HTRA1: variants seen among roughly 807,000 people sequenced by gnomAD.
HTRA1 encodes serine protease HTRA1.
Under a neutral mutation model 49.7 loss-of-function variants are expected in HTRA1, and 26 were observed. That is an observed-to-expected ratio of 0.52 (90% CI 0.38 to 0.73). The LOEUF (loss-of-function observed/expected upper bound fraction) is 0.73. Among genes scored for constraint, HTRA1 ranks in the 30% least tolerant of loss-of-function variants. HTRA1 has a pLI of 0.00. For missense variants in HTRA1, 561 were observed against 667.2 expected (o/e 0.84, Z 1.75); for synonymous variants, 291 against 286.9 (o/e 1.01, Z -0.14).
chr10:122,505,175 G>A (rs1283523620), intron 3 of HTRA1, among the ~76,000 whole-genome samples: 1 of 152,146 alleles, frequency 6.6e-6, no homozygotes, highest in African/African-American at 2.4e-5. Context: ...GAAAACTGAG[G>A]ACCTGAGTGG....
At chr10:122,467,645 C>G (rs554207989) in intron 1 of HTRA1, among the ~76,000 whole-genome samples, 2 of 152,220 alleles carry the variant, frequency 1.3e-5, no homozygotes, top group Admixed American at 1.3e-4. Context: ...ACATGTTCAT[C>G]TCCAAGAGAT....
rs1565427091 is a variant in HTRA1, at chr10:122,496,224, G to GTTTTTTTT, written c.777+6598_777+6599insTTTTTTTT. 2.8e-3 allele frequency among the ~76,000 whole-genome samples: 91 copies of GTTTTTTTT among 32,092 alleles called. 5 individuals are homozygous for GTTTTTTTT. The highest frequency in any genetic ancestry group is 0.012 in the East Asian group (20 of 1,644). The allele number at this position is 32,092 out of a possible 152,430, so 21.1% of individuals were successfully genotyped here. A position where few individuals can be genotyped will look rare whatever the true frequency, so the allele number is the denominator to read the frequency against. On this transcript the variant is annotated intron_variant, in intron 3 of 8. Transcript: ENST00000368984. The stretch of plus-strand genomic sequence containing the variant: ...GCCCTTTCGTTTGCCAGAGATTGTG[G>GTTTTTTTT]GTTCTTTTTTTTTTTTTTTTTTTTT...
chr10:122,496,224 G>GTTT lies in HTRA1; in HGVS notation c.777+6598_777+6599insTTT, dbSNP rs1565427091. Among the ~76,000 whole-genome samples, 21 of 32,104 alleles carry GTTT rather than the reference G, an allele frequency of 6.5e-4. 1 individual carries two copies. Among genetic ancestry groups the GTTT allele is most frequent in the African/African-American group, 1.1e-3 (7 of 6,442 alleles). 21.1% of individuals were successfully genotyped at this position (32,104 alleles called of 152,430 possible). On this transcript the variant is annotated intron_variant, in intron 3 of 8. Coordinates refer to ENST00000368984, the MANE Select transcript of HTRA1 (RefSeq NM_002775.5). ...GCCCTTTCGTTTGCCAGAGATTGTG[G>GTTT]GTTCTTTTTTTTTTTTTTTTTTTTT...
chr10:122,501,029 AGGCT>A (rs1450899766), intron 3 of HTRA1, among the ~76,000 whole-genome samples: 18 of 152,282 alleles, frequency 1.2e-4, no homozygotes, highest in Admixed American at 1.0e-3. Flanking sequence ...GGTGGGGAGC[AGGCT>A]GGTGAGAAGA....
chr10:122,490,212 A>G lies in HTRA1; in HGVS notation c.777+586A>G, dbSNP rs1452681458. Among the ~76,000 whole-genome samples, 1 of 152,232 alleles carries G rather than the reference A, an allele frequency of 6.6e-6. No homozygotes were observed. The highest frequency in any genetic ancestry group is 1.5e-5 in the Non-Finnish European group (1 of 68,042). On this transcript the variant is annotated intron_variant, in intron 3 of 8. Coordinates refer to ENST00000368984, the MANE Select transcript of HTRA1 (RefSeq NM_002775.5). The surrounding 1 kb of genome is among the most constrained non-coding windows in gnomAD (Gnocchi z 4.2). ...TCCAGACCTTCTCAGAGCTTTTAGTATGCTAGTGTGCACGTGGCTTGCCTA... is the reference window on the plus strand; with the variant it reads ...TCCAGACCTTCTCAGAGCTTTTAGTGTGCTAGTGTGCACGTGGCTTGCCTA...
At chr10:122,486,713 G>A (rs991419361) in intron 1 of HTRA1, among the ~76,000 whole-genome samples, 1 of 151,896 alleles carries the variant, frequency 6.6e-6, no homozygotes, top group Non-Finnish European at 1.5e-5. Context: ...CCTGGGGAAG[G>A]GTTGCCACTC....
intron 1 of HTRA1, among the ~76,000 whole-genome samples, chr10:122,468,640 TCA>T (rs1268905995): frequency 6.6e-6 from 1 of 152,204 alleles, no homozygotes; most frequent in Non-Finnish European, 1.5e-5. Context: ...GTATCCAAAG[TCA>T]CTTTGCCTGT....
chr10:122,469,816 G>A (rs772727540), intron 1 of HTRA1, among the ~76,000 whole-genome samples: 25 of 152,186 alleles, frequency 1.6e-4, no homozygotes, highest in Non-Finnish European at 3.4e-4. Flanking sequence ...CTATTCTTCA[G>A]ATTTCTTTAA....
At chr10:122,478,332 C>T (rs2133430245) in intron 1 of HTRA1, among the ~76,000 whole-genome samples, 1 of 151,318 alleles carries the variant, frequency 6.6e-6, no homozygotes, top group African/African-American at 2.4e-5. Flanking sequence ...CCTTGCCTCC[C>T]TGCAGGTGGG....
chr10:122,489,711 C>G, intron 3 of HTRA1, 85 bp downstream of exon 3: 1 of 1,300,074 alleles, frequency 7.7e-7, no homozygotes, highest in Non-Finnish European at 1.1e-6. Flanking sequence ...CTGATTGCAG[C>G]TGATTCTCGG....
intron 1 of HTRA1, among the ~76,000 whole-genome samples, chr10:122,474,361 A>G (rs1029006307): frequency 1.3e-5 from 2 of 152,086 alleles, no homozygotes; most frequent in Non-Finnish European, 2.9e-5. Flanking sequence ...TTCCCCTCGC[A>G]TGGGGGCTGG....
At chr10:122,497,398 G>A (rs904546664) in intron 3 of HTRA1, among the ~76,000 whole-genome samples, 4 of 152,212 alleles carry the variant, frequency 2.6e-5, no homozygotes, top group Admixed American at 6.5e-5. Context: ...TGAAAAGAAT[G>A]CTACATCCTG....
chr10:122,507,527 A>G (rs1208208197), intron 5 of HTRA1, 125 bp downstream of exon 5: 4 of 768,982 alleles, frequency 5.2e-6, no homozygotes, highest in Admixed American at 4.0e-5. Flanking sequence ...AGGTTGCCAA[A>G]GTGTATTATA....
At chr10:122,493,355 G>A (rs1002980213) in intron 3 of HTRA1, among the ~76,000 whole-genome samples, 3 of 152,214 alleles carry the variant, frequency 2.0e-5, no homozygotes, top group Admixed American at 6.5e-5. Flanking sequence ...GACAGTGTGC[G>A]TGTAAACATG....
intron 3 of HTRA1, among the ~76,000 whole-genome samples, chr10:122,497,223 C>A (rs2097499096): frequency 6.6e-6 from 1 of 152,226 alleles, no homozygotes; most frequent in African/African-American, 2.4e-5. Flanking sequence ...TTTGCTTTAT[C>A]TACCAGGCAG....
intron 7 of HTRA1, among the ~76,000 whole-genome samples, chr10:122,511,485 C>T (rs1220037529): frequency 6.6e-6 from 1 of 152,076 alleles, no homozygotes; most frequent in Non-Finnish European, 1.5e-5. Context: ...GTAATCCCAG[C>T]ACTTTGGGAG....
intron 7 of HTRA1, 90 bp from the exon 8 acceptor site, chr10:122,511,880 G>A (rs772973538): frequency 1.1e-6 from 1 of 889,288 alleles, no homozygotes. Flanking sequence ...TAGACCTAAG[G>A]AGAAGACGGG....
At position 122,511,732 on chromosome 10, in the gene HTRA1, CAAAA is replaced by C. The variant is rs56119820; in HGVS notation, c.1179-228_1179-225del. ...TGGGCGACAGAGCAAGACTCTGTCT[CAAAA>C]AAAAAAAAATAAATAAAAAAAATAA... On this transcript the variant is annotated intron_variant, in intron 7 of 8. Coordinates refer to ENST00000368984, the MANE Select transcript of HTRA1 (RefSeq NM_002775.5). Among the ~76,000 whole-genome samples the C allele has an allele frequency of 6.0e-4, 81 of 133,966 alleles. 2 individuals are homozygous for C. In the East Asian group the frequency reaches 0.011, roughly 19 times the overall value. 87.9% of individuals were successfully genotyped at this position (133,966 alleles called of 152,430 possible).
At chr10:122,479,392 C>A (rs572348798) in intron 1 of HTRA1, among the ~76,000 whole-genome samples, 229 of 152,278 alleles carry the variant, frequency 1.5e-3, no homozygotes, top group African/African-American at 5.4e-3. Context: ...TGATTTAATT[C>A]TCTGATCCTT....
Sources: gnomAD v4.1 joint callset for allele counts (sites outside exome capture counted in the v4.1 genomes callset) on GRCh38, gnomAD v4.1.1 for gene constraint, Gnocchi (gnomAD v3.1) non-coding constraint, MANE v1.5 for transcripts, NCBI Gene and HGNC (gene_info 2026-07-23, HGNC 2026-07-21) for gene names.